MLC1: variants seen among roughly 807,000 people sequenced by gnomAD.
MLC1 encodes the protein membrane protein MLC1.
Under a neutral mutation model 44.7 loss-of-function variants are expected in MLC1, and 32 were observed. The observed-to-expected ratio is 0.72, with a 90% CI of 0.54 to 0.96. MLC1 has a LOEUF of 0.96. MLC1 is among the 40% of genes least tolerant of loss of function. The pLI is 0.00. For missense variants in MLC1, 459 were observed against 492.2 expected, an observed-to-expected ratio of 0.93 and a Z score of 0.64; for synonymous variants, 190 against 213.0, an observed-to-expected ratio of 0.89 and a Z score of 0.94.
chr22:50,073,610 G>A (rs934513403), intron 8 of MLC1, among the ~76,000 whole-genome samples: 5 of 152,176 alleles, frequency 3.3e-5, no homozygotes, highest in Admixed American at 3.3e-4. Context: ...GTCCACGCCT[G>A]TAATCCCAGC....
At chr22:50,064,440 G>A (rs760614081) in intron 10 of MLC1, among the ~76,000 whole-genome samples, 5 of 152,184 alleles carry the variant, frequency 3.3e-5, no homozygotes, top group African/African-American at 4.8e-5. Flanking sequence ...AAAAGTGACC[G>A]AGCCACTGCC....
chr22:50,061,424 T>G lies in MLC1; in HGVS notation c.*159A>C, dbSNP rs1000598331. On this transcript the variant is annotated 3_prime_UTR_variant, in exon 12 of 12. Coordinates refer to ENST00000311597, the MANE Select transcript of MLC1 (RefSeq NM_015166.4). The stretch of plus-strand genomic sequence containing the variant: ...AGCCAACATTGGCCTATTTTAAAAT[T>G]AAACTACCCTAGGAAGTGAAAACCC... 1.3e-6 allele frequency: 1 copy of G among 755,752 alleles called. No homozygotes were observed. Among genetic ancestry groups the G allele is most frequent in the Non-Finnish European group, 2.3e-6 (1 of 443,420 alleles). The allele number at this position is 755,752 out of a possible 1,614,324, so 46.8% of individuals were successfully genotyped here.
intron 9 of MLC1, among the ~76,000 whole-genome samples, chr22:50,069,063 G>A (rs1251984768): frequency 6.6e-6 from 1 of 150,906 alleles, no homozygotes; most frequent in African/African-American, 2.4e-5. Context: ...GCCTAGCTGT[G>A]TAGCCCAGGC....
chr22:50,081,013 G>GAAAGAAAGAAAGAAAGAAAGAAAGAA (rs1555968006), intron 3 of MLC1, among the ~76,000 whole-genome samples: 2,537 of 119,608 alleles, frequency 0.021, 59 homozygotes, highest in East Asian at 0.04. Flanking sequence ...CTCAAAAAAA[G>GAAAGAAAGAAAGAAAGAAAGAAAGAA]AAAGAAAGAA....
In MLC1 at chr22:50,083,624, GCAGGGGCTCCAGGCC is replaced by G. The variant is rs1165189558; in HGVS notation, c.178-466_178-452del. Among the ~76,000 whole-genome samples, 4 of 152,186 alleles carry G rather than the reference GCAGGGGCTCCAGGCC, an allele frequency of 2.6e-5. No individual in the cohort carries two copies. The highest frequency in any genetic ancestry group is 9.7e-5 in the African/African-American group (4 of 41,438). The stretch of plus-strand genomic sequence containing the variant: ...CAGATCTGGAAGAAGATCCCTCCAG[GCAGGGGCTCCAGGCC>G]CAGGGGCTCCTGAGCAGGGAAGACC... On this transcript the variant is annotated intron_variant, in intron 2 of 11. Transcript: ENST00000311597. The surrounding 1 kb of genome is among the most constrained non-coding windows in gnomAD (Gnocchi z 4.6).
At position 50,069,086 on chromosome 22, in the gene MLC1, G is replaced by C. The variant is rs534056995; in HGVS notation, c.772-531C>G. On this transcript the variant is annotated intron_variant, in intron 9 of 11. Transcript: ENST00000311597. ...GTGTAGCCCAGGCAGGAGTGCGGTGGCACAATCTCTGATCACTGCAACCTC... is the reference window on the plus strand; with the variant it reads ...GTGTAGCCCAGGCAGGAGTGCGGTGCCACAATCTCTGATCACTGCAACCTC... Among the ~76,000 whole-genome samples, 20 of 151,704 alleles carry C rather than the reference G, an allele frequency of 1.3e-4. No homozygotes were observed. In the South Asian group the frequency reaches 4.0e-3, roughly 30 times the overall value.
chr22:50,071,858 C>T (rs1050451434), intron 8 of MLC1, among the ~76,000 whole-genome samples: 3 of 152,362 alleles, frequency 2.0e-5, no homozygotes, highest in Admixed American at 6.5e-5. Context: ...GCCAGCACCC[C>T]AGCCCGGCCT....
intron 11 of MLC1, among the ~76,000 whole-genome samples, chr22:50,063,511 T>G (rs139020945): frequency 0.012 from 1,829 of 151,510 alleles, 30 homozygotes; most frequent in South Asian, 0.04. Context: ...ACATTTTACT[T>G]CTTCGGGGTT....
In MLC1 at chr22:50,084,838, C is replaced by T. The variant is rs184241759; in HGVS notation, c.65G>A (p.Arg22Gln). 1.7e-4 allele frequency: 269 copies of T among 1,613,626 alleles called. 1 individual carries two copies. The East Asian group carries it at 2.7e-3, about 16-fold the overall frequency. Residue 22 changes from arginine (R) to glutamine (Q), a missense_variant, in exon 2 of 12, where the codon CGG (arginine) becomes CAG (glutamine). By Grantham distance (43) the Arg-to-Gln change is conservative. Transcript: ENST00000311597. ...YDRMPTLERGRQDPASYAPDA... is the reference protein window; with the variant it reads ...YDRMPTLERGQQDPASYAPDA... Reference sequence around the variant, plus strand: ...TGGGGCATAGCTGGCGGGGTCTTGCCGGCCCCGCTCCAGCGTGGGCATCCG... The same window carrying T: ...TGGGGCATAGCTGGCGGGGTCTTGCTGGCCCCGCTCCAGCGTGGGCATCCG...
At chr22:50,080,691 C>T (rs921611877) in intron 3 of MLC1, among the ~76,000 whole-genome samples, 5 of 152,102 alleles carry the variant, frequency 3.3e-5, no homozygotes, top group Admixed American at 6.6e-5. Flanking sequence ...TGAGCCGCTG[C>T]GCCCAACCCC....
At position 50,063,482 on chromosome 22, in the gene MLC1, A is replaced by AG. The variant is rs1170749808; in HGVS notation, c.1059+551_1059+552insC. On this transcript the variant is annotated intron_variant, in intron 11 of 11. Transcript: ENST00000311597. ...ACTGAGACTCCTTCTCAAAAAAAAA[A>AG]AAAAAAAAGAAAAGAAAGACATTTT... Among the ~76,000 whole-genome samples the AG allele has an allele frequency of 5.5e-4, 83 of 151,524 alleles. 1 individual carries two copies. The highest frequency in any genetic ancestry group is 4.2e-3 in the Admixed American group (64 of 15,224).
In MLC1 at chr22:50,061,365, C is replaced by G. The variant is rs2061556275; in HGVS notation, c.*218G>C. The G allele has an allele frequency of 1.7e-6, 1 of 601,272 alleles. No individual in the cohort carries two copies. The highest frequency in any genetic ancestry group is 1.9e-5 in the African/African-American group (1 of 54,050). The allele number at this position is 601,272 out of a possible 1,614,324, so 37.2% of individuals were successfully genotyped here. A position where few individuals can be genotyped will look rare whatever the true frequency, so the allele number is the denominator to read the frequency against. On this transcript the variant is annotated 3_prime_UTR_variant, in exon 12 of 12. Coordinates refer to ENST00000311597, the MANE Select transcript of MLC1 (RefSeq NM_015166.4). ...TCCTGCTGTTACGACACGGGAGCCA[C>G]TCGGAGCTGACTGATCTCACTGAGG...
chr22:50,067,429 C>CCG (rs2061728814), intron 10 of MLC1, among the ~76,000 whole-genome samples: 1 of 137,890 alleles, frequency 7.3e-6, no homozygotes, highest in Non-Finnish European at 1.6e-5. Flanking sequence ...ACTCTATCCC[C>CCG]TGTCAGGCAG....
rs557854100 is a variant in MLC1, at chr22:50,080,096, G to A, written c.322-77C>T. ...AGGTAACAGATAAACCACACTTCAG[G>A]CCATTCACTAAAAATTATCCTGATT... On this transcript the variant is annotated intron_variant, in intron 4 of 11. Coordinates refer to ENST00000311597, the MANE Select transcript of MLC1 (RefSeq NM_015166.4). 19 of 1,220,812 alleles carry A rather than the reference G, an allele frequency of 1.6e-5. No homozygotes were observed. In the East Asian group the frequency reaches 3.8e-4, roughly 24 times the overall value. The allele number at this position is 1,220,812 out of a possible 1,614,324, so 75.6% of individuals were successfully genotyped here.
In MLC1 at chr22:50,079,927, T is replaced by C. The variant is rs996914800; in HGVS notation, c.414A>G (p.Ser138=). 5.0e-6 allele frequency: 8 copies of C among 1,612,118 alleles called. No homozygotes were observed. Among genetic ancestry groups the C allele is most frequent in the Admixed American group, 1.7e-5 (1 of 60,002 alleles). The change falls in exon 5 of 12, where the codon TCA becomes TCG. Residue 138 remains serine (S), a synonymous_variant. Transcript: ENST00000311597. The stretch of plus-strand genomic sequence containing the variant: ...GCTCGTGTGAACTCACGTTTATTGC[T>C]GATGGGTTCAGGACTAGTTTGCATC... ...WFGCKLVLNP[S]AININFNLIL...
At chr22:50,076,580 G>A (rs963876409) in intron 7 of MLC1, among the ~76,000 whole-genome samples, 1 of 152,000 alleles carries the variant, frequency 6.6e-6, no homozygotes, top group African/African-American at 2.4e-5. Context: ...ATTCCTCGGG[G>A]ACAACAGTGT....
chr22:50,068,152 C>T lies in MLC1; in HGVS notation c.894+281G>A, dbSNP rs568615021. On this transcript the variant is annotated intron_variant, in intron 10 of 11. Transcript: ENST00000311597. ...AATCCGAAAAGCATGTCTCATAAAC[C>T]CAGGACAGATTCTAAAATGGGCTCA... Among the ~76,000 whole-genome samples, 20 of 152,282 alleles carry T rather than the reference C, an allele frequency of 1.3e-4. No individual in the cohort carries two copies. The South Asian group carries it at 3.9e-3, about 30-fold the overall frequency.
rs1469779460 is a variant in MLC1, at chr22:50,061,188, C to T, written c.*395G>A. ...AAGCCCGGTCAGAGTGGGCAGGAGA[C>T]GCAGGGACCCACAGTCTGGTCAGGT... is the stretch of plus-strand genomic sequence containing the variant. On this transcript the variant is annotated 3_prime_UTR_variant, in exon 12 of 12. Transcript: ENST00000311597. The T allele has an allele frequency of 1.9e-5, 6 of 312,882 alleles. No homozygotes were observed. The highest frequency in any genetic ancestry group is 6.2e-5 in the South Asian group (2 of 32,080). The allele number at this position is 312,882 out of a possible 1,614,324, so 19.4% of individuals were successfully genotyped here.
At chr22:50,061,771 A>G (rs2146740361) in intron 11 of MLC1, 114 bp from the exon 12 acceptor site, 1 of 959,368 alleles carries the variant, frequency 1.0e-6, no homozygotes, top group South Asian at 1.3e-5. Context: ...GTTTTCTTCG[A>G]ATGTGAAGGA....
Sources: gnomAD v4.1 joint callset for allele counts (sites outside exome capture counted in the v4.1 genomes callset) on GRCh38, gnomAD v4.1.1 for gene constraint, Gnocchi (gnomAD v3.1) non-coding constraint, MANE v1.5 for transcripts, NCBI Gene and HGNC (gene_info 2026-07-23, HGNC 2026-07-21) for gene names.